The following RAB8B variants were observed in gnomAD, a reference collection of about 807,000 sequenced individuals.
RAB8B encodes ras-related protein Rab-8B.
Under a neutral mutation model 32.0 loss-of-function variants are expected in RAB8B, and 11 were observed. The ratio of observed to expected loss-of-function variants is 0.34; its 90% confidence interval spans 0.22 to 0.57. The LOEUF is 0.57. Among genes scored for constraint, RAB8B ranks in the 20% least tolerant of loss-of-function variants. RAB8B has a pLI of 0.86. For synonymous variants in RAB8B, 103 were observed against 89.6 expected, an observed-to-expected ratio of 1.15 and a Z score of -0.85; for missense variants, 190 against 258.5, an observed-to-expected ratio of 0.73 and a Z score of 1.82.
intron 3 of RAB8B, among the ~76,000 whole-genome samples, chr15:63,250,528 G>T (rs1211270226): frequency 6.6e-6 from 1 of 152,026 alleles, no homozygotes; most frequent in Admixed American, 6.6e-5. Context: ...TTTCCTTGCT[G>T]TCATAACTTC....
intron 6 of RAB8B, 88 bp from the exon 7 acceptor site, chr15:63,262,604 G>A: frequency 2.3e-6 from 1 of 427,070 alleles, no homozygotes; most frequent in South Asian, 7.3e-5. Flanking sequence ...CATCTCTGAG[G>A]CGGGGGGAAT....
At chr15:63,191,138 A>G (rs956253372) in intron 1 of RAB8B, among the ~76,000 whole-genome samples, 1 of 152,082 alleles carries the variant, frequency 6.6e-6, no homozygotes, top group African/African-American at 2.4e-5. Flanking sequence ...TGTGTTGGTG[A>G]TGTTTCTGGC....
chr15:63,237,106 C>G (rs549782281), intron 1 of RAB8B, among the ~76,000 whole-genome samples: 29 of 152,176 alleles, frequency 1.9e-4, no homozygotes, highest in Non-Finnish European at 3.7e-4. Flanking sequence ...GAATAGTACT[C>G]CATTGTGTAT....
intron 1 of RAB8B, among the ~76,000 whole-genome samples, chr15:63,215,493 G>C (rs1178675933): frequency 6.6e-6 from 1 of 152,042 alleles, no homozygotes; most frequent in East Asian, 1.9e-4. Context: ...TTTCTTTTTA[G>C]TCTTCGAAGG....
chr15:63,256,420 A>T (rs181266335), intron 4 of RAB8B, 85 bp from the exon 5 acceptor site: 90 of 920,890 alleles, frequency 9.8e-5, no homozygotes, highest in Non-Finnish European at 1.4e-4. Flanking sequence ...TATTAAATTC[A>T]TGTGTTTCTG....
intron 2 of RAB8B, among the ~76,000 whole-genome samples, chr15:63,245,726 CG>C (rs2038065347): frequency 6.6e-6 from 1 of 152,066 alleles, no homozygotes; most frequent in Non-Finnish European, 1.5e-5. Context: ...GAAGTGTTTC[CG>C]ATTTTGGATA....
chr15:63,245,761 A>G (rs2038065683), intron 2 of RAB8B, among the ~76,000 whole-genome samples: 1 of 152,256 alleles, frequency 6.6e-6, no homozygotes, highest in Admixed American at 6.5e-5. Flanking sequence ...GAATATGTGC[A>G]TATACATAAT....
intron 4 of RAB8B, among the ~76,000 whole-genome samples, chr15:63,256,151 T>A (rs1024267446): frequency 3.3e-5 from 5 of 152,258 alleles, no homozygotes; most frequent in African/African-American, 1.2e-4. Context: ...AATTTCTTTT[T>A]AAAATAGTAC....
chr15:63,257,427 C>T (rs779770229), intron 5 of RAB8B, among the ~76,000 whole-genome samples: 5 of 151,900 alleles, frequency 3.3e-5, no homozygotes, highest in Non-Finnish European at 7.4e-5. Flanking sequence ...CACATATACC[C>T]GGCTAATTTT....
intron 7 of RAB8B, among the ~76,000 whole-genome samples, chr15:63,262,976 A>T (rs531766564): frequency 9.9e-5 from 15 of 152,266 alleles, no homozygotes; most frequent in African/African-American, 3.6e-4. Flanking sequence ...AATTTTGATG[A>T]GAATAATGAA....
Position 63,266,180 on chromosome 15 carries a change from T to C in RAB8B, c.*2561T>C, listed in dbSNP as rs1409243031. On this transcript the variant is annotated 3_prime_UTR_variant, in exon 8 of 8. Transcript: ENST00000321437. ...TTTGTGGTCTTATGGATAAGGTACA[T>C]GAAGATTTTTGCAGCAGTATTAGTG... 1.3e-5 allele frequency: 2 copies of C among 152,562 alleles called. No individual in the cohort carries two copies. Among genetic ancestry groups the C allele is most frequent in the South Asian group, 2.1e-4 (1 of 4,832 alleles). 9.5% of individuals were successfully genotyped at this position (152,562 alleles called of 1,614,324 possible). A position where few individuals can be genotyped will look rare whatever the true frequency, so the allele number is the denominator to read the frequency against.
chr15:63,208,793 G>C (rs2037721278), intron 1 of RAB8B, among the ~76,000 whole-genome samples: 1 of 151,422 alleles, frequency 6.6e-6, no homozygotes, highest in African/African-American at 2.4e-5. Context: ...GTGGGACTTT[G>C]TACTCTGTAG....
chr15:63,204,817 A>G (rs1374465345), intron 1 of RAB8B, among the ~76,000 whole-genome samples: 1 of 152,238 alleles, frequency 6.6e-6, no homozygotes, highest in Non-Finnish European at 1.5e-5. Context: ...AGAAATGTGC[A>G]TAAGTGAGCA....
At chr15:63,211,654 T>C (rs553805834) in intron 1 of RAB8B, among the ~76,000 whole-genome samples, 1 of 152,216 alleles carries the variant, frequency 6.6e-6, no homozygotes, top group South Asian at 2.1e-4. Context: ...CCAGTCATAG[T>C]TTTGGTGGAT....
In RAB8B at chr15:63,259,939, A is replaced by G. The variant is rs1257098980; in HGVS notation, c.480+247A>G. Among the ~76,000 whole-genome samples the G allele has an allele frequency of 6.6e-6, 1 of 151,868 alleles. No homozygotes were observed. Among genetic ancestry groups the G allele is most frequent in the Non-Finnish European group, 1.5e-5 (1 of 67,996 alleles). The stretch of plus-strand genomic sequence containing the variant: ...AACCTCTGCCTCCCAGGTTCAAGCG[A>G]TTCTCCTGCCTCAGCCTCCCGAGTA... On this transcript the variant is annotated intron_variant, in intron 6 of 7. Transcript: ENST00000321437. The surrounding 1 kb of genome is among the most constrained non-coding windows in gnomAD (Gnocchi z 4.4).
chr15:63,263,610 G>C lies in RAB8B; in HGVS notation c.615G>C (p.Ser205=). 6.2e-7 allele frequency: 1 copy of C among 1,606,830 alleles called. No individual in the cohort carries two copies. The highest frequency in any genetic ancestry group is 8.5e-7 in the Non-Finnish European group (1 of 1,173,480). The change falls in exon 8 of 8, where the codon TCG becomes TCC. Residue 205 remains serine (S), a synonymous_variant. Coordinates refer to ENST00000321437, the MANE Select transcript of RAB8B (RefSeq NM_016530.3). Reference sequence around the variant, plus strand: ...AGAAGACCAGTTTCTTTCGTTGCTCGCTACTTTGATGAACTCTTTCTGAGA... The same window carrying C: ...AGAAGACCAGTTTCTTTCGTTGCTCCCTACTTTGATGAACTCTTTCTGAGA... ...RSKKTSFFRC[S]LL is the part of the protein sequence containing the mutation.
chr15:63,256,731 G>A, intron 5 of RAB8B, 137 bp downstream of exon 5: 1 of 648,926 alleles, frequency 1.5e-6, no homozygotes, highest in Non-Finnish European at 2.6e-6. Context: ...ACAAAGAGAT[G>A]TAATCCATAC....
chr15:63,263,672 C>G lies in RAB8B; in HGVS notation c.*53C>G. ...ACCTAGAGGGCCCTTTCCTGCTTCT[C>G]TGAAAGCACAGGTCACCCAGCCTCA... is the stretch of plus-strand genomic sequence containing the variant. On this transcript the variant is annotated 3_prime_UTR_variant, in exon 8 of 8. Transcript: ENST00000321437. 3.5e-6 allele frequency: 5 copies of G among 1,419,462 alleles called. No homozygotes were observed. In the South Asian group the frequency reaches 5.8e-5, roughly 16 times the overall value. The allele number at this position is 1,419,462 out of a possible 1,614,324, so 87.9% of individuals were successfully genotyped here. A position where few individuals can be genotyped will look rare whatever the true frequency, so the allele number is the denominator to read the frequency against.
At chr15:63,256,406 G>C in intron 4 of RAB8B, 99 bp from the exon 5 acceptor site, 1 of 826,934 alleles carries the variant, frequency 1.2e-6, no homozygotes, top group Non-Finnish European at 1.9e-6. Flanking sequence ...AAAAGATTAT[G>C]TCTTATTAAA....
Sources: allele counts gnomAD v4.1 joint callset (sites outside exome capture counted in the v4.1 genomes callset), GRCh38; gene constraint gnomAD v4.1.1; non-coding constraint Gnocchi (gnomAD v3.1); transcripts MANE v1.5; gene names NCBI Gene and HGNC (gene_info 2026-07-23, HGNC 2026-07-21).